Variants in GTF3C3 observed in about 807,000 individuals in gnomAD.
GTF3C3 encodes general transcription factor IIIC subunit 3.
GTF3C3 carries 75 observed loss-of-function variants against 105.2 expected under a neutral mutation model. That is an observed-to-expected ratio of 0.71 (90% CI 0.59 to 0.86). The LOEUF is 0.86. GTF3C3 is among the 40% of genes least tolerant of loss of function. The pLI is 0.00. For synonymous variants in GTF3C3, 335 were observed against 370.4 expected, an observed-to-expected ratio of 0.90 and a Z score of 1.10; for missense variants, 856 against 1,076.5, an observed-to-expected ratio of 0.80 and a Z score of 2.87.
At chr2:196,798,262 C>T (rs1017444456) in intron 1 of GTF3C3, among the ~76,000 whole-genome samples, 12 of 152,140 alleles carry the variant, frequency 7.9e-5, no homozygotes, top group African/African-American at 2.9e-4. Context: ...TGGTGGCTCA[C>T]ATCTGTAATC....
rs1366638396 is a variant in GTF3C3 at position 196,772,962 on chromosome 2, C to T, written c.2023G>A (p.Ala675Thr). ...RKELEYFGLSAAILDKNFRKA... is the reference protein window; with the variant it reads ...RKELEYFGLSTAILDKNFRKA... ...CTGAAATTTTTGTCCAGAATTGCAGCAGACAGACCAAAGTATTCTAGTTCT... is the reference window on the plus strand; with the variant it reads ...CTGAAATTTTTGTCCAGAATTGCAGTAGACAGACCAAAGTATTCTAGTTCT... Residue 675 changes from alanine (A) to threonine (T), a missense_variant, in exon 14 of 18, where the codon GCT (alanine) becomes ACT (threonine). Ala to Thr is a moderately conservative substitution (Grantham distance 58). Coordinates refer to ENST00000263956, the MANE Select transcript of GTF3C3 (RefSeq NM_012086.5). The T allele has an allele frequency of 5.6e-6, 9 of 1,599,398 alleles. No individual in the cohort carries two copies. In the Admixed American group the frequency reaches 1.6e-4, roughly 28 times the overall value.
rs1236110178 is a variant in GTF3C3 at position 196,776,348 on chromosome 2, T to C, written c.1593+79A>G. The C allele has an allele frequency of 2.5e-6, 3 of 1,197,848 alleles. No individual in the cohort carries two copies. The highest frequency in any genetic ancestry group is 3.6e-6 in the Non-Finnish European group (3 of 829,964). 74.2% of individuals were successfully genotyped at this position (1,197,848 alleles called of 1,614,324 possible). ...AAAATAAAATTTTGGATATAAGCTA[T>C]AGAGACATCCTTAATGGAGGAGAAA... is the stretch of plus-strand genomic sequence containing the variant. On this transcript the variant is annotated intron_variant, in intron 11 of 17. Transcript: ENST00000263956. This position sits in a 1 kb window ranked among gnomAD's most constrained non-coding sequence, Gnocchi z 4.5.
chr2:196,773,265 T>C (rs1699207965), intron 13 of GTF3C3, 112 bp from the exon 14 acceptor site: 5 of 699,630 alleles, frequency 7.1e-6, no homozygotes, highest in African/African-American at 5.4e-5. Flanking sequence ...TGAGCCTAAA[T>C]TGTTGCCAGT....
At chr2:196,774,920 TTTTAA>T (rs1388760968) in intron 13 of GTF3C3, 191 bp downstream of exon 13, 2 of 394,876 alleles carry the variant, frequency 5.1e-6, no homozygotes, top group Non-Finnish European at 9.0e-6. Flanking sequence ...TTTTAATTTT[TTTTAA>T]TTTAAAGTAT....
intron 8 of GTF3C3, 42 bp downstream of exon 8, chr2:196,784,815 G>A: frequency 6.4e-7 from 1 of 1,553,574 alleles, no homozygotes; most frequent in Non-Finnish European, 8.7e-7. Flanking sequence ...TTATGACCAA[G>A]AGAGGATTAT....
Position 196,799,358 on chromosome 2 carries a change from G to A in GTF3C3, c.102+152C>T. 3 of 632,236 alleles carry A rather than the reference G, an allele frequency of 4.7e-6. No homozygotes were observed. The South Asian group carries it at 5.6e-5, about 12-fold the overall frequency. 39.2% of individuals were successfully genotyped at this position (632,236 alleles called of 1,614,324 possible). A position where few individuals can be genotyped will look rare whatever the true frequency, so the allele number is the denominator to read the frequency against. On this transcript the variant is annotated intron_variant, in intron 1 of 17. Coordinates refer to ENST00000263956, the MANE Select transcript of GTF3C3 (RefSeq NM_012086.5). ...TTAAGGAGCTTAGCACAGGGATGAG[G>A]GGTGAAAACCGGAGTTTCTGTAAGA...
rs1396742631 is a variant in GTF3C3, at chr2:196,792,801, T to C, written c.411+155A>G. 2.7e-5 allele frequency: 17 copies of C among 635,786 alleles called. No individual in the cohort carries two copies. The Admixed American group carries it at 5.2e-4, about 19-fold the overall frequency. 39.4% of individuals were successfully genotyped at this position (635,786 alleles called of 1,614,324 possible). A position where few individuals can be genotyped will look rare whatever the true frequency, so the allele number is the denominator to read the frequency against. On this transcript the variant is annotated intron_variant, in intron 3 of 17. Transcript: ENST00000263956. The stretch of plus-strand genomic sequence containing the variant: ...TATAATTAAGGTTTTACATAAACAT[T>C]ATCTAATAGGAAACATAATAAACAA...
At position 196,763,804 on chromosome 2, in the gene GTF3C3, T is replaced by A. The variant is rs1699011793; in HGVS notation, c.*759A>T. The A allele has an allele frequency of 6.6e-6, 1 of 152,194 alleles. No homozygotes were observed. Among genetic ancestry groups the A allele is most frequent in the South Asian group, 2.1e-4 (1 of 4,826 alleles). 9.4% of individuals were successfully genotyped at this position (152,194 alleles called of 1,614,324 possible). A position where few individuals can be genotyped will look rare whatever the true frequency, so the allele number is the denominator to read the frequency against. ...TGAGTAAACAAACAAAAAAAAAGTT[T>A]TTTACTTTATCAATCAGCAGTATGT... On this transcript the variant is annotated 3_prime_UTR_variant, in exon 18 of 18. Transcript: ENST00000263956.
chr2:196,792,973 T>C lies in GTF3C3; in HGVS notation c.394A>G (p.Thr132Ala), dbSNP rs745609259. The C allele has an allele frequency of 3.7e-6, 6 of 1,611,302 alleles. No homozygotes were observed. The East Asian group carries it at 1.3e-4, about 36-fold the overall frequency. Residue 132 changes from threonine to alanine, a missense_variant, in exon 3 of 18, where the codon ACC (threonine) becomes GCC (alanine). Thr to Ala is a moderately conservative substitution (Grantham distance 58). Around this residue, in one of 3 missense-constraint regions of GTF3C3, gnomAD observed 605 missense variants for 833.6 expected, o/e 0.73. Coordinates refer to ENST00000263956, the MANE Select transcript of GTF3C3 (RefSeq NM_012086.5). ...AAATTTACTTTCATCATTTTCTTGGTTTCACGATTGAGAACCATCTCCAAT... is the reference window on the plus strand; with the variant it reads ...AAATTTACTTTCATCATTTTCTTGGCTTCACGATTGAGAACCATCTCCAAT... ...FVLEMVLNRE[T>A]KKMMKEKRPR...
chr2:196,799,596 G>T lies in GTF3C3; in HGVS notation c.16C>A (p.Pro6Thr). The T allele has an allele frequency of 6.2e-7, 1 of 1,613,332 alleles. No individual in the cohort carries two copies. Among genetic ancestry groups the T allele is most frequent in the Non-Finnish European group, 8.5e-7 (1 of 1,179,246 alleles). Reference protein sequence around the residue: MSGFSPELIDYLEGKI... With the variant: MSGFSTELIDYLEGKI... ...CCTTCCAAGTAGTCGATGAGTTCCG[G>T]ACTGAACCCTGACATGTTTACAGGG... The change falls in exon 1 of 18, where the codon CCG (proline) becomes ACG (threonine). Residue 6 changes from proline (P) to threonine (T), a missense_variant. Transcript: ENST00000263956.
intron 6 of GTF3C3, among the ~76,000 whole-genome samples, chr2:196,787,152 AATAC>A (rs1699465026): frequency 1.3e-5 from 2 of 152,072 alleles, no homozygotes; most frequent in South Asian, 4.1e-4. Context: ...CAGCCTTCAA[AATAC>A]ATACATAATC....
chr2:196,767,705 G>A lies in GTF3C3; in HGVS notation c.2386-988C>T, dbSNP rs145931212. 4.4e-3 allele frequency among the ~76,000 whole-genome samples: 671 copies of A among 152,204 alleles called. 3 individuals carry two copies. The highest frequency in any genetic ancestry group is 0.015 in the African/African-American group (642 of 41,530). ...CCACTGAAAGACACAGCTCTCTTAA[G>A]TACCAGCAGACTATTCGACTGCAAA... On this transcript the variant is annotated intron_variant, in intron 16 of 17. Coordinates refer to ENST00000263956, the MANE Select transcript of GTF3C3 (RefSeq NM_012086.5).
chr2:196,774,295 C>A (rs1699225774), intron 13 of GTF3C3, among the ~76,000 whole-genome samples: 2 of 151,976 alleles, frequency 1.3e-5, no homozygotes, highest in South Asian at 4.2e-4. Flanking sequence ...TGACCATATG[C>A]CAAAAAATAA....
At chr2:196,783,052 T>A (rs1699393407) in intron 8 of GTF3C3, among the ~76,000 whole-genome samples, 2 of 152,194 alleles carry the variant, frequency 1.3e-5, no homozygotes, top group Non-Finnish European at 2.9e-5. Context: ...TCTCATTTTT[T>A]AAAATGCATA....
Position 196,793,144 on chromosome 2 carries a change from A to T in GTF3C3, c.223T>A (p.Ser75Thr). 14 of 1,602,310 alleles carry T rather than the reference A, an allele frequency of 8.7e-6. No individual in the cohort carries two copies. Among genetic ancestry groups the T allele is most frequent in the Non-Finnish European group, 1.2e-5 (14 of 1,172,222 alleles). The stretch of plus-strand genomic sequence containing the variant: ...TGAACTGACTTCCTCACTCCATCTG[A>T]TGTTTCTCCTGAGAAAAGAGACATT... ...QDKDVNEGET[S>T]DGVRKSVHKV... The change falls in exon 3 of 18, where the codon TCA (serine) becomes ACA (threonine). Residue 75 changes from serine (S) to threonine (T), a missense_variant. Transcript: ENST00000263956.
At chr2:196,779,927 C>T (rs545666482) in intron 9 of GTF3C3, among the ~76,000 whole-genome samples, 3 of 152,130 alleles carry the variant, frequency 2.0e-5, no homozygotes, top group Non-Finnish European at 2.9e-5. Context: ...GAGATCTGCC[C>T]GCCTCAGCCT....
chr2:196,779,262 G>T (rs1001171435), intron 9 of GTF3C3, among the ~76,000 whole-genome samples, 195 bp from the exon 10 acceptor site: 10 of 151,882 alleles, frequency 6.6e-5, no homozygotes, highest in Admixed American at 5.9e-4. Flanking sequence ...TGAGTAGCTG[G>T]GATTACAGGT....
At chr2:196,790,905 A>C (rs1022319977) in intron 4 of GTF3C3, among the ~76,000 whole-genome samples, 1 of 152,202 alleles carries the variant, frequency 6.6e-6, no homozygotes, top group African/African-American at 2.4e-5. Flanking sequence ...ATCACACTGA[A>C]GATATCATTT....
intron 2 of GTF3C3, among the ~76,000 whole-genome samples, chr2:196,794,444 T>C (rs1482570632): frequency 2.0e-5 from 3 of 152,166 alleles, no homozygotes; most frequent in Non-Finnish European, 2.9e-5. Context: ...AAAATATATA[T>C]GTATTTTTTG....
Sources: allele counts gnomAD v4.1 joint callset (sites outside exome capture counted in the v4.1 genomes callset), GRCh38; gene constraint gnomAD v4.1.1; regional missense constraint gnomAD v4.1.1; non-coding constraint Gnocchi (gnomAD v3.1); transcripts MANE v1.5; gene names NCBI Gene and HGNC (gene_info 2026-07-23, HGNC 2026-07-21).